The following ROBO2 variants were observed in gnomAD, a reference collection of about 807,000 sequenced individuals.
ROBO2 encodes the protein roundabout guidance receptor 2.
A neutral mutation model predicts 160.8 loss-of-function variants in ROBO2; 53 were observed. The observed-to-expected ratio is 0.33, with a 90% confidence interval of 0.26 to 0.41. The LOEUF is 0.41. Among genes scored for constraint, ROBO2 ranks in the 10% least tolerant of loss-of-function variants. The pLI, the probability that ROBO2 is intolerant of heterozygous loss-of-function variation, is 1.00. For missense variants in ROBO2, 1,577 were observed against 1,722.4 expected, an observed-to-expected ratio of 0.92 and a Z score of 1.49; for synonymous variants, 664 against 611.7, an observed-to-expected ratio of 1.09 and a Z score of -1.26.
chr3:76,733,175 T>C (rs1443121964), intron 2 of ROBO2, among the ~76,000 whole-genome samples: 2 of 152,202 alleles, frequency 1.3e-5, no homozygotes, highest in Non-Finnish European at 2.9e-5. Context: ...TTGTGAATGT[T>C]GATTCTTCAG....
chr3:77,321,566 T>G (rs1380105328), intron 2 of ROBO2, among the ~76,000 whole-genome samples: 1 of 151,456 alleles, frequency 6.6e-6, no homozygotes, highest in Non-Finnish European at 1.5e-5. Flanking sequence ...CTGGAAAAAT[T>G]TTAGAGAGAG....
intron 1 of ROBO2, among the ~76,000 whole-genome samples, chr3:77,088,552 A>G (rs1375992816): frequency 6.6e-6 from 1 of 152,070 alleles, no homozygotes; most frequent in Non-Finnish European, 1.5e-5. Context: ...ATCACTCCCC[A>G]CGCTGCCCCT....
chr3:77,095,263 A>ACATATAT (rs1186923024), intron 1 of ROBO2, among the ~76,000 whole-genome samples: 1 of 152,160 alleles, frequency 6.6e-6, no homozygotes, highest in Non-Finnish European at 1.5e-5. Context: ...AACATAGTTT[A>ACATATAT]CATATATTGT....
chr3:77,560,278 A>T (rs766306482), intron 9 of ROBO2, among the ~76,000 whole-genome samples: 1 of 152,090 alleles, frequency 6.6e-6, no homozygotes. Flanking sequence ...CCTGCACATT[A>T]ATCTCATTTT....
intron 2 of ROBO2, among the ~76,000 whole-genome samples, chr3:76,804,265 T>G (rs565551509): frequency 7.9e-5 from 12 of 152,276 alleles, no homozygotes; most frequent in Admixed American, 4.6e-4. Context: ...GATAGTTTGA[T>G]CTTAGACAAA....
intron 1 of ROBO2, among the ~76,000 whole-genome samples, chr3:75,933,647 T>C (rs1432788144): frequency 6.6e-6 from 1 of 152,128 alleles, no homozygotes; most frequent in Non-Finnish European, 1.5e-5. Context: ...GGACTTTATT[T>C]AAGAACCAAC....
chr3:77,310,308 T>A (rs993129951), intron 2 of ROBO2, among the ~76,000 whole-genome samples: 3 of 152,204 alleles, frequency 2.0e-5, no homozygotes, highest in African/African-American at 7.2e-5. Context: ...AGTAAATCTC[T>A]ACACCTTCAA....
intron 2 of ROBO2, among the ~76,000 whole-genome samples, chr3:77,259,871 T>C (rs925629918): frequency 3.9e-5 from 6 of 152,286 alleles, no homozygotes; most frequent in Middle Eastern, 3.4e-3. Flanking sequence ...AGCTGCAAAA[T>C]CCAGATGCCA....
In ROBO2 at chr3:77,562,813, A is replaced by G. The variant is rs1358750261; in HGVS notation, c.1519+81A>G. ...TCAAATAATAAGTTAAGGGGGGATCAAAGTGTTTAATTCACTGAATGTAAA... is the reference window on the plus strand; with the variant it reads ...TCAAATAATAAGTTAAGGGGGGATCGAAGTGTTTAATTCACTGAATGTAAA... On this transcript the variant is annotated intron_variant, in intron 10 of 25. Coordinates refer to ENST00000461745, the Ensembl canonical transcript of ROBO2. 3.0e-6 allele frequency: 3 copies of G among 1,008,046 alleles called. No homozygotes were observed. In the South Asian group the frequency reaches 4.0e-5, roughly 13 times the overall value. The allele number at this position is 1,008,046 out of a possible 1,614,324, so 62.4% of individuals were successfully genotyped here.
At chr3:76,816,142 G>A (rs2109057793) in intron 2 of ROBO2, among the ~76,000 whole-genome samples, 1 of 152,130 alleles carries the variant, frequency 6.6e-6, no homozygotes, top group South Asian at 2.1e-4. Context: ...GAATGAGAAG[G>A]GAAAAGGAAA....
At chr3:77,253,951 T>C (rs765472976) in intron 2 of ROBO2, among the ~76,000 whole-genome samples, 10 of 152,246 alleles carry the variant, frequency 6.6e-5, no homozygotes, top group Admixed American at 3.3e-4. Context: ...ATTTTTCTTA[T>C]GCTATTCTGT....
intron 2 of ROBO2, among the ~76,000 whole-genome samples, chr3:77,385,797 C>G (rs2074039024): frequency 6.6e-6 from 1 of 152,160 alleles, no homozygotes; most frequent in African/African-American, 2.4e-5. Flanking sequence ...AGTAAAGACA[C>G]TTTGTTGCAG....
chr3:75,971,897 T>A (rs1036752729), intron 2 of ROBO2, among the ~76,000 whole-genome samples: 1 of 151,578 alleles, frequency 6.6e-6, no homozygotes, highest in Non-Finnish European at 1.5e-5. Context: ...GTTCCACCTA[T>A]CCAAAGTACA....
intron 2 of ROBO2, among the ~76,000 whole-genome samples, chr3:77,254,605 T>A (rs1054638298): frequency 6.6e-6 from 1 of 152,228 alleles, no homozygotes; most frequent in African/African-American, 2.4e-5. Flanking sequence ...AGAAAATTGT[T>A]CCACTTTTTA....
chr3:76,069,360 A>G (rs1052241934), intron 2 of ROBO2, among the ~76,000 whole-genome samples: 1 of 152,282 alleles, frequency 6.6e-6, no homozygotes, highest in South Asian at 2.1e-4. Context: ...CCCAGATTCA[A>G]TCCATCAGGA....
chr3:76,819,530 C>T (rs573548275), intron 2 of ROBO2, among the ~76,000 whole-genome samples: 9 of 152,060 alleles, frequency 5.9e-5, no homozygotes, highest in Non-Finnish European at 7.4e-5. Flanking sequence ...ACTGAAACAT[C>T]TCTAAAAAGT....
At chr3:76,856,830 T>C (rs545171568) in intron 2 of ROBO2, among the ~76,000 whole-genome samples, 2 of 152,330 alleles carry the variant, frequency 1.3e-5, no homozygotes, top group South Asian at 2.1e-4. Context: ...AGCAGACAGA[T>C]TGCAAGAATT....
chr3:76,470,540 G>A (rs1189862335), intron 2 of ROBO2, among the ~76,000 whole-genome samples: 3 of 152,112 alleles, frequency 2.0e-5, no homozygotes, highest in Middle Eastern at 3.4e-3. Context: ...TACGTGACTC[G>A]GGCTTCTCAT....
chr3:77,362,933 A>G (rs897365600), intron 2 of ROBO2, among the ~76,000 whole-genome samples: 19 of 152,062 alleles, frequency 1.2e-4, no homozygotes, highest in Admixed American at 1.2e-3. Context: ...AGATGCCCCC[A>G]AGATTCAATT....
Sources: allele counts gnomAD v4.1 joint callset (sites outside exome capture counted in the v4.1 genomes callset), GRCh38; gene constraint gnomAD v4.1.1; transcripts MANE v1.5; gene names NCBI Gene and HGNC (gene_info 2026-07-23, HGNC 2026-07-21).